Variants in ASMTL observed in about 807,000 individuals in gnomAD.
The protein encoded by ASMTL is probable bifunctional dTTP/UTP pyrophosphatase/methyltransferase protein.
A neutral mutation model predicts 60.3 loss-of-function variants in ASMTL; 57 were observed. The ratio of observed to expected loss-of-function variants is 0.95; its 90% CI spans 0.76 to 1.18. ASMTL has a LOEUF of 1.18. Ranked by LOEUF, ASMTL falls within the 50% of genes most tolerant of loss-of-function variation. The pLI, the probability that ASMTL is intolerant of heterozygous loss-of-function variation, is 0.00. For missense variants in ASMTL, 981 were observed against 852.6 expected (o/e 1.15, Z -1.88); for synonymous variants, 419 against 373.0 (o/e 1.12, Z -1.42).
At chrX:1,452,950 A>ACGCCCCCGCCCGCCTCCGCGAGGCCG, upstream of ASMTL, 1 of 852,644 alleles carries the variant, frequency 1.2e-6, no homozygotes, top group East Asian at 3.1e-5. Context: ...CCGCGAGGCC[A>ACGCCCCCGCCCGCCTCCGCGAGGCCG]CGCCCCCGCC....
Position 1,445,400 on chromosome X carries a change from A to G in ASMTL, c.94-3083T>C, listed in dbSNP as rs1254222202. On this transcript the variant is annotated intron_variant, in intron 1 of 12. Coordinates refer to ENST00000381317, the MANE Select transcript of ASMTL (RefSeq NM_004192.4). ...TCCAACCTGGCCAAACTTGGCTTAC[A>G]GAGGAACCTAAAGCCAGAGTGTTGA... Among the ~76,000 whole-genome samples the G allele has an allele frequency of 2.0e-5, 3 of 152,192 alleles. No homozygotes were observed. The East Asian group carries it at 5.8e-4, about 29-fold the overall frequency.
At chrX:1,405,544 CGGAT>C (rs1270778825) in intron 12 of ASMTL, among the ~76,000 whole-genome samples, 7 of 98,592 alleles carry the variant, frequency 7.1e-5, no homozygotes, top group Non-Finnish European at 1.1e-4. Context: ...GGTAGGTAGA[CGGAT>C]GGATGGATAG....
intron 12 of ASMTL, among the ~76,000 whole-genome samples, chrX:1,405,457 T>A (rs776490361): frequency 6.6e-6 from 1 of 150,630 alleles, no homozygotes; most frequent in Non-Finnish European, 1.5e-5. Context: ...AGATAGTAGA[T>A]GATGGTTAGG....
At chrX:1,403,620 G>A in intron 12 of ASMTL, 131 bp from the exon 13 acceptor site, 1 of 749,436 alleles carries the variant, frequency 1.3e-6, no homozygotes, top group East Asian at 2.6e-5. Context: ...TTGGCCAGGG[G>A]GCCCACACAG....
In ASMTL at chrX:1,412,857, G is replaced by T. The variant is rs1284904201; in HGVS notation, c.1523-3C>A. 6.2e-7 allele frequency: 1 copy of T among 1,613,838 alleles called. No individual in the cohort carries two copies. Among genetic ancestry groups the T allele is most frequent in the Non-Finnish European group, 8.5e-7 (1 of 1,179,800 alleles). ...GAGGGGGTCCCTGAAAAAGTCACCT[G>T]GTTTAAAGACAAAACGAGATACGTC... On this transcript the variant is annotated splice_polypyrimidine_tract_variant and splice_region_variant and intron_variant, in intron 11 of 12. Transcript: ENST00000381317.
chrX:1,432,486 G>A, intron 5 of ASMTL, 109 bp from the exon 6 acceptor site: 1 of 770,218 alleles, frequency 1.3e-6, no homozygotes, highest in Non-Finnish European at 2.3e-6. Context: ...GCAGCGCACA[G>A]TTCAGATATG....
At chrX:1,413,760 A>C (rs1191840232) in intron 11 of ASMTL, 1 of 152,440 alleles carries the variant, frequency 6.6e-6, no homozygotes, top group Non-Finnish European at 1.5e-5. Context: ...TGTCCTTCTA[A>C]GAGACAGAAG....
chrX:1,452,781 G>A lies in ASMTL; in HGVS notation c.60C>T (p.Ala20=). ...TGAGGATCTCCTGACGGCGTGGGGA[G>A]GCGCTGGCCAGCACCACGCGCTTGT... is the stretch of plus-strand genomic sequence containing the variant. ...LLHKRVVLAS[A]SPRRQEILSN... The change falls in exon 1 of 13, where the codon GCC becomes GCT. Residue 20 remains alanine (A), a synonymous_variant. Transcript: ENST00000381317. The A allele has an allele frequency of 1.0e-5, 16 of 1,596,846 alleles. No individual in the cohort carries two copies. The highest frequency in any genetic ancestry group is 1.4e-5 in the Non-Finnish European group (16 of 1,177,358).
rs1480631864 is a variant in ASMTL at position 1,433,556 on chromosome X, C to T, written c.401-1179G>A. ...AATTAGCCGGGCGTGGTGGCGGGCC[C>T]GTCGTCCCAGCTACTCGGGAGGCTG... is the stretch of plus-strand genomic sequence containing the variant. On this transcript the variant is annotated intron_variant, in intron 5 of 12. Transcript: ENST00000381317. Among the ~76,000 whole-genome samples the T allele has an allele frequency of 8.8e-5, 13 of 148,384 alleles. No individual in the cohort carries two copies. In the South Asian group the frequency reaches 1.1e-3, roughly 12 times the overall value.
intron 1 of ASMTL, among the ~76,000 whole-genome samples, chrX:1,450,442 T>C (rs1445343474): frequency 7.2e-6 from 1 of 138,898 alleles, no homozygotes; most frequent in African/African-American, 2.7e-5. Context: ...CCCTAGGGGG[T>C]CCCGGGTTAC....
chrX:1,453,200 G>T (rs1220802661), upstream of ASMTL, among the ~76,000 whole-genome samples: 4 of 131,328 alleles, frequency 3.0e-5, no homozygotes, highest in Non-Finnish European at 4.9e-5. Context: ...TGCCCTCTCC[G>T]CCAGGCCACG....
intron 11 of ASMTL, among the ~76,000 whole-genome samples, chrX:1,414,318 G>C (rs1320162235): frequency 6.6e-6 from 1 of 152,184 alleles, no homozygotes; most frequent in Non-Finnish European, 1.5e-5. Context: ...GCTGTGAGTT[G>C]CATGAGGGGA....
rs756572475 is a variant in ASMTL, at chrX:1,437,533, CTCT to C, written c.273+1561_273+1563del. 2.0e-3 allele frequency among the ~76,000 whole-genome samples: 308 copies of C among 152,204 alleles called. 2 individuals are homozygous for C. The highest frequency in any genetic ancestry group is 6.3e-3 in the African/African-American group (260 of 41,510). The stretch of plus-strand genomic sequence containing the variant: ...CTGTGTGTGTCTGTGTCCTCATCTC[CTCT>C]TCTTATGAGATGTCTTAGTCCATTT... On this transcript the variant is annotated intron_variant, in intron 3 of 12. Coordinates refer to ENST00000381317, the MANE Select transcript of ASMTL (RefSeq NM_004192.4).
chrX:1,438,092 C>T (rs1192519997), intron 3 of ASMTL, among the ~76,000 whole-genome samples: 1 of 151,534 alleles, frequency 6.6e-6, no homozygotes, highest in Non-Finnish European at 1.5e-5. Context: ...AGTTTGAGAC[C>T]AGCCTGGCCA....
chrX:1,419,198 G>C (rs1320011959), intron 9 of ASMTL, 84 bp from the exon 10 acceptor site: 6 of 1,525,990 alleles, frequency 3.9e-6, no homozygotes, highest in Non-Finnish European at 5.4e-6. Context: ...GGGGGGAGAA[G>C]TGCAGGGCTC....
intron 3 of ASMTL, among the ~76,000 whole-genome samples, chrX:1,437,241 C>T (rs1410135490): frequency 2.0e-5 from 3 of 151,934 alleles, no homozygotes; most frequent in African/African-American, 7.3e-5. Flanking sequence ...TTGTAGACGC[C>T]GTCTTCTCCC....
At chrX:1,448,830 G>GGACATGCATGGTCATCTTT (rs2091289302) in intron 1 of ASMTL, among the ~76,000 whole-genome samples, 1 of 151,706 alleles carries the variant, frequency 6.6e-6, no homozygotes, top group Admixed American at 6.6e-5. Context: ...CTGCCATCTT[G>GGACATGCATGGTCATCTTT]GACATGCATG....
intron 11 of ASMTL, among the ~76,000 whole-genome samples, chrX:1,414,585 G>T (rs2090164125): frequency 6.6e-6 from 1 of 152,064 alleles, no homozygotes. Context: ...GCGGGCACTT[G>T]TCACCCCAGC....
At chrX:1,430,666 T>C (rs2090744938) in intron 6 of ASMTL, among the ~76,000 whole-genome samples, 2 of 151,658 alleles carry the variant, frequency 1.3e-5, no homozygotes, top group Admixed American at 1.3e-4. Context: ...CAGCCACTAG[T>C]GGGGCTGAGG....
Sources: allele counts gnomAD v4.1 joint callset (sites outside exome capture counted in the v4.1 genomes callset), GRCh38; gene constraint gnomAD v4.1.1; transcripts MANE v1.5; gene names NCBI Gene and HGNC (gene_info 2026-07-23, HGNC 2026-07-21).